The following RFX3 variants were observed in gnomAD, a reference collection of about 807,000 sequenced individuals.
The protein encoded by RFX3 is regulatory factor X3, also known as transcription factor RFX3.
Under a neutral mutation model 98.6 loss-of-function variants are expected in RFX3, and 14 were observed. The observed-to-expected ratio is 0.14, with a 90% CI of 0.09 to 0.22. The LOEUF (loss-of-function observed/expected upper bound fraction) is 0.22. RFX3 is among the 10% of genes least tolerant of loss of function. The probability of loss-of-function intolerance (pLI) is 1.00; values close to 1 mark genes in which losing one functional copy is unlikely to be tolerated. For missense variants in RFX3, 639 were observed against 926.9 expected (o/e 0.69, Z 4.03); for synonymous variants, 383 against 328.4 (o/e 1.17, Z -1.80).
chr9:3,267,371 G>A (rs899109626), intron 11 of RFX3, among the ~76,000 whole-genome samples: 13 of 151,976 alleles, frequency 8.6e-5, no homozygotes, highest in African/African-American at 2.6e-4. Context: ...TTAATATTAC[G>A]GATGGGCTTA....
intron 1 of RFX3, among the ~76,000 whole-genome samples, chr9:3,398,896 C>G (rs555315476): frequency 1.6e-5 from 2 of 127,470 alleles, no homozygotes; most frequent in African/African-American, 3.6e-5. Flanking sequence ...CACATGTACC[C>G]TAAAACTTAG....
At position 3,292,938 on chromosome 9, in the gene RFX3, G is replaced by C. The variant is rs189339708; in HGVS notation, c.731+139C>G. 1.3e-3 allele frequency: 767 copies of C among 584,618 alleles called. 1 individual carries two copies. Among genetic ancestry groups the C allele is most frequent in the Admixed American group, 3.4e-3 (92 of 27,016 alleles). 36.2% of individuals were successfully genotyped at this position (584,618 alleles called of 1,614,324 possible). ...TGAATAATGTCCTTTCCTTTTCCTG[G>C]GGATGTTATAAACTGAGCTCATTCT... On this transcript the variant is annotated intron_variant, in intron 6 of 16. Transcript: ENST00000617270.
chr9:3,218,696 T>G lies in RFX3; in HGVS notation c.*6346A>C, dbSNP rs890963498. 3.3e-5 allele frequency: 5 copies of G among 152,160 alleles called. No individual in the cohort carries two copies. In the East Asian group the frequency reaches 9.6e-4, roughly 29 times the overall value. The allele number at this position is 152,160 out of a possible 1,614,324, so 9.4% of individuals were successfully genotyped here. ...AGATGTTTTTAAATAATTAAAAAGT[T>G]TATTCAACTGTAGTCCAAAAACTGG... On this transcript the variant is annotated 3_prime_UTR_variant, in exon 17 of 17. Coordinates refer to ENST00000617270, the MANE Select transcript of RFX3 (RefSeq NM_001282116.2).
chr9:3,426,012 CA>C (rs911444330), intron 1 of RFX3, among the ~76,000 whole-genome samples: 2 of 151,778 alleles, frequency 1.3e-5, no homozygotes, highest in Non-Finnish European at 2.9e-5. Flanking sequence ...TAAAACAAAC[CA>C]AAAAAACCCA....
chr9:3,336,171 T>C (rs1292528056), intron 3 of RFX3, among the ~76,000 whole-genome samples: 1 of 152,170 alleles, frequency 6.6e-6, no homozygotes, highest in African/African-American at 2.4e-5. Flanking sequence ...AAGGATAGAA[T>C]ATAGATATGG....
chr9:3,291,737 C>T (rs1481336112), intron 6 of RFX3, among the ~76,000 whole-genome samples: 1 of 152,010 alleles, frequency 6.6e-6, no homozygotes, highest in Non-Finnish European at 1.5e-5. Context: ...AACACTCACT[C>T]CTCTTTTTGG....
intron 2 of RFX3, among the ~76,000 whole-genome samples, chr9:3,371,613 G>C (rs1002769317): frequency 6.6e-6 from 1 of 151,990 alleles, no homozygotes; most frequent in Non-Finnish European, 1.5e-5. Context: ...TCCTGAAAAA[G>C]CAGCTATAGA....
intron 15 of RFX3, among the ~76,000 whole-genome samples, chr9:3,242,772 T>A (rs1424036016): frequency 1.3e-5 from 2 of 152,150 alleles, no homozygotes; most frequent in Admixed American, 6.5e-5. Flanking sequence ...CTTTTGATGT[T>A]AAATTGTTAC....
At chr9:3,499,056 A>G (rs930649126) in intron 1 of RFX3, among the ~76,000 whole-genome samples, 4 of 152,122 alleles carry the variant, frequency 2.6e-5, no homozygotes, top group Admixed American at 2.0e-4. Flanking sequence ...AAAATGCTAA[A>G]CATACACAAA....
chr9:3,507,520 G>C (rs1468238447), intron 1 of RFX3, among the ~76,000 whole-genome samples: 1 of 151,848 alleles, frequency 6.6e-6, no homozygotes, highest in African/African-American at 2.4e-5. Context: ...GTCAGTGGCA[G>C]AGCTCGAATT....
intron 15 of RFX3, among the ~76,000 whole-genome samples, chr9:3,229,835 AT>A (rs1402032790): frequency 6.6e-6 from 1 of 152,160 alleles, no homozygotes; most frequent in African/African-American, 2.4e-5. Flanking sequence ...TGATAGGAGT[AT>A]TTTTTTCATC....
chr9:3,508,952 C>G (rs1817394050), intron 1 of RFX3, among the ~76,000 whole-genome samples: 1 of 151,276 alleles, frequency 6.6e-6, no homozygotes, highest in East Asian at 1.9e-4. Flanking sequence ...AATTGTAAAA[C>G]ACAGACACAC....
At chr9:3,479,152 C>T (rs1849523125) in intron 1 of RFX3, among the ~76,000 whole-genome samples, 1 of 152,152 alleles carries the variant, frequency 6.6e-6, no homozygotes, top group Admixed American at 6.5e-5. Context: ...TCGCAGACCC[C>T]ACTGGTCTTC....
At position 3,275,560 on chromosome 9, in the gene RFX3, T is replaced by C. The variant is rs1449241353; in HGVS notation, c.1026A>G (p.Pro342=). 3.7e-6 allele frequency: 6 copies of C among 1,612,954 alleles called. No individual in the cohort carries two copies. The highest frequency in any genetic ancestry group is 5.1e-6 in the Non-Finnish European group (6 of 1,179,160). ...TGATATCCTCAAAGGTAGTACCATCTGGCAGAGAAGAGATTTCAACTTCTC... is the reference window on the plus strand; with the variant it reads ...TGATATCCTCAAAGGTAGTACCATCCGGCAGAGAAGAGATTTCAACTTCTC... ...EFGEVEISSL[P]DGTTFEDIKS... Residue 342 remains proline (P), a synonymous_variant, in exon 9 of 17, where the codon CCA becomes CCG. Coordinates refer to ENST00000617270, the MANE Select transcript of RFX3 (RefSeq NM_001282116.2).
chr9:3,491,587 T>A (rs1406121334), intron 1 of RFX3, among the ~76,000 whole-genome samples: 3 of 152,188 alleles, frequency 2.0e-5, no homozygotes, highest in Non-Finnish European at 4.4e-5. Context: ...GTGAAAATTT[T>A]AGGCCAGTCT....
chr9:3,486,830 C>T (rs182169267), intron 1 of RFX3, among the ~76,000 whole-genome samples: 16 of 152,172 alleles, frequency 1.1e-4, no homozygotes, highest in Admixed American at 8.5e-4. Context: ...GCCCCAGATA[C>T]GATTTATTTT....
intron 1 of RFX3, among the ~76,000 whole-genome samples, chr9:3,479,789 C>T (rs960433329): frequency 6.6e-6 from 1 of 152,098 alleles, no homozygotes; most frequent in Non-Finnish European, 1.5e-5. Flanking sequence ...AGTGGGAAAT[C>T]GACAGAAAAG....
chr9:3,284,041 T>C (rs988254247), intron 7 of RFX3, among the ~76,000 whole-genome samples: 7 of 151,750 alleles, frequency 4.6e-5, no homozygotes, highest in Admixed American at 1.3e-4. Context: ...TCTAACATTC[T>C]ATGATTCTGT....
intron 2 of RFX3, among the ~76,000 whole-genome samples, chr9:3,363,935 G>T (rs1044166010): frequency 3.7e-4 from 57 of 152,338 alleles, no homozygotes; most frequent in African/African-American, 1.3e-3. Flanking sequence ...GAGTGTAGTG[G>T]CACGATCTCA....
Sources: gnomAD v4.1 joint callset for allele counts (sites outside exome capture counted in the v4.1 genomes callset) on GRCh38, gnomAD v4.1.1 for gene constraint, MANE v1.5 for transcripts, NCBI Gene and HGNC (gene_info 2026-07-23, HGNC 2026-07-21) for gene names.